Variants in EVC2 observed in about 807,000 individuals in gnomAD.
EVC2 encodes limbin.
In EVC2, 148 loss-of-function variants were observed where a neutral mutation model predicts 149.3. The observed-to-expected ratio is 0.99, with a 90% CI of 0.87 to 1.14. The LOEUF is 1.14. EVC2 is among the 50% of genes most tolerant of loss of function. The pLI is 0.00. For missense variants in EVC2, 1,854 were observed against 1,627.3 expected (o/e 1.14, Z -2.40); for synonymous variants, 776 against 649.9 (o/e 1.19, Z -2.95).
At chr4:5,619,869 T>C (rs1310363541) in intron 14 of EVC2, among the ~76,000 whole-genome samples, 1 of 152,178 alleles carries the variant, frequency 6.6e-6, no homozygotes, top group Non-Finnish European at 1.5e-5. Context: ...AGATTAGCTG[T>C]AGATGTGTTT....
At chr4:5,630,216 G>A (rs1358224927) in intron 11 of EVC2, among the ~76,000 whole-genome samples, 2 of 152,182 alleles carry the variant, frequency 1.3e-5, no homozygotes, top group Non-Finnish European at 2.9e-5. Flanking sequence ...GGCTTGTGAC[G>A]ATTACTCGGT....
intron 16 of EVC2, among the ~76,000 whole-genome samples, chr4:5,611,795 C>T (rs1020051559): frequency 6.6e-6 from 1 of 151,944 alleles, no homozygotes; most frequent in Non-Finnish European, 1.5e-5. Context: ...GTTACAGAAA[C>T]TTTAAATTAT....
At chr4:5,582,590 T>C (rs557780537) in intron 17 of EVC2, among the ~76,000 whole-genome samples, 131 of 152,306 alleles carry the variant, frequency 8.6e-4, no homozygotes, top group African/African-American at 2.8e-3. Context: ...AGATGAGACT[T>C]TGGACTTTGG....
rs766837833 is a variant in EVC2, at chr4:5,615,482, C to G, written c.2769G>C (p.Lys923Asn). The change falls in exon 16 of 22, where the codon AAG (lysine) becomes AAC (asparagine). Residue 923 changes from lysine to asparagine, a missense_variant. By Grantham distance (94) the Lys-to-Asn change is moderately conservative (BLOSUM62 0). Transcript: ENST00000344408. The part of the protein sequence containing the change: ...KSKSKGELLK[K>N]CIEDKIHLCE... ...AGAGGTGAATTTTGTCTTCGATGCA[C>G]TTCTTCAGAAGCTCTCCCTTGCTTT... 6.2e-7 allele frequency: 1 copy of G among 1,614,110 alleles called. No homozygotes were observed. Among genetic ancestry groups the G allele is most frequent in the African/African-American group, 1.3e-5 (1 of 74,930 alleles).
rs1031154931 is a variant in EVC2, at chr4:5,677,333, C to T, written c.870+3927G>A. Among the ~76,000 whole-genome samples, 1 of 152,194 alleles carries T rather than the reference C, an allele frequency of 6.6e-6. No individual in the cohort carries two copies. Among genetic ancestry groups the T allele is most frequent in the Non-Finnish European group, 1.5e-5 (1 of 68,036 alleles). ...CCAGGCCTTATGGTCCAAGAGTCAG[C>T]TGGGCCCACACAACACCATAGGGCC... On this transcript the variant is annotated intron_variant, in intron 7 of 21. Coordinates refer to ENST00000344408, the MANE Select transcript of EVC2 (RefSeq NM_147127.5). The surrounding 1 kb of genome is among the most constrained non-coding windows in gnomAD (Gnocchi z 4.3).
At position 5,620,073 on chromosome 4, in the gene EVC2, G is replaced by A. The variant is rs147756263; in HGVS notation, c.2502-1391C>T. ...AGAGAATGAGACCTTCAGAGACCACGGGGGCCCTCTGCTGACAACACTCTG... is the reference window on the plus strand; with the variant it reads ...AGAGAATGAGACCTTCAGAGACCACAGGGGCCCTCTGCTGACAACACTCTG... On this transcript the variant is annotated intron_variant, in intron 14 of 21. Transcript: ENST00000344408. Among the ~76,000 whole-genome samples the A allele has an allele frequency of 5.5e-3, 842 of 152,208 alleles. 6 individuals carry two copies. Among genetic ancestry groups the A allele is most frequent in the Non-Finnish European group, 9.3e-3 (633 of 68,020 alleles).
intron 9 of EVC2, among the ~76,000 whole-genome samples, chr4:5,646,167 G>C (rs1717695885): frequency 6.6e-6 from 1 of 152,204 alleles, no homozygotes; most frequent in African/African-American, 2.4e-5. Flanking sequence ...CTGACCTCAA[G>C]TGATCCACCT....
chr4:5,552,696 T>C (rs1466963883), intron 21 of EVC2, among the ~76,000 whole-genome samples: 6 of 152,088 alleles, frequency 3.9e-5, no homozygotes, highest in African/African-American at 1.5e-4. Flanking sequence ...ATTTTAAGGC[T>C]GCAGATCAAG....
At chr4:5,698,673 C>T (rs1403954161) in intron 1 of EVC2, among the ~76,000 whole-genome samples, 1 of 152,212 alleles carries the variant, frequency 6.6e-6, no homozygotes, top group African/African-American at 2.4e-5. Context: ...TACAAGTAGT[C>T]CCTATAGAAA....
intron 16 of EVC2, among the ~76,000 whole-genome samples, chr4:5,586,411 C>T (rs1051367429): frequency 1.3e-5 from 2 of 152,094 alleles, no homozygotes; most frequent in South Asian, 2.1e-4. Flanking sequence ...TCTAAGCCCC[C>T]CCTCAACCAT....
rs1479879266 is a variant in EVC2, at chr4:5,670,719, C to T, written c.871-5070G>A. Among the ~76,000 whole-genome samples, 1 of 152,082 alleles carries T rather than the reference C, an allele frequency of 6.6e-6. No homozygotes were observed. The highest frequency in any genetic ancestry group is 2.4e-5 in the African/African-American group (1 of 41,368). On this transcript the variant is annotated intron_variant, in intron 7 of 21. Coordinates refer to ENST00000344408, the MANE Select transcript of EVC2 (RefSeq NM_147127.5). The surrounding 1 kb of genome is among the most constrained non-coding windows in gnomAD (Gnocchi z 5.2). ...TTATCAACATCATCAATATCTCCAT[C>T]ACCATCATCTTCACCATCACCATCA...
rs553338207 is a variant in EVC2, at chr4:5,580,321, A to AT, written c.3058-3868dup. On this transcript the variant is annotated intron_variant, in intron 17 of 21. Transcript: ENST00000344408. ...GCATTGCCTTAACACTCATTTAAGA[A>AT]TACGGCATCATCTGATTTATCAGCT... Among the ~76,000 whole-genome samples the AT allele has an allele frequency of 5.4e-4, 82 of 152,368 alleles. 4 individuals are homozygous for AT. The East Asian group carries it at 9.8e-3, about 18-fold the overall frequency.
At chr4:5,539,344 A>G (rs926316758), downstream of EVC2, among the ~76,000 whole-genome samples, 1 of 150,362 alleles carries the variant, frequency 6.7e-6, no homozygotes, top group African/African-American at 2.4e-5. Context: ...ATATTTGTTA[A>G]GATGTAAATT....
At chr4:5,699,203 G>A (rs1175004960) in intron 1 of EVC2, among the ~76,000 whole-genome samples, 1 of 152,222 alleles carries the variant, frequency 6.6e-6, no homozygotes, top group Non-Finnish European at 1.5e-5. Context: ...AGAGGTGTGG[G>A]AAGAGGGAAA....
At position 5,562,918 on chromosome 4, in the gene EVC2, T is replaced by C; in HGVS notation, c.3857A>G (p.His1286Arg). 1 of 1,614,190 alleles carries C rather than the reference T, an allele frequency of 6.2e-7. No individual in the cohort carries two copies. The highest frequency in any genetic ancestry group is 1.7e-5 in the Admixed American group (1 of 60,034). Reference protein sequence around the residue: ...RNPKEPEISLHVPPRKKKNFL... With the variant: ...RNPKEPEISLRVPPRKKKNFL... Reference sequence around the variant, plus strand: ...GTTCTTCTTTTTCCTGGGAGGAACGTGCAGTGAGATCTCTGGCTCCTTTGG... The same window carrying C: ...GTTCTTCTTTTTCCTGGGAGGAACGCGCAGTGAGATCTCTGGCTCCTTTGG... The change falls in exon 22 of 22, where the codon CAC becomes CGC. Residue 1286 changes from histidine (H) to arginine (R), a missense_variant. Physicochemically the swap from His to Arg is conservative, Grantham distance 29 (BLOSUM62 0). Transcript: ENST00000344408. This position sits in a 1 kb window ranked among gnomAD's most constrained non-coding sequence, Gnocchi z 4.3.
At chr4:5,529,098 A>G in the EVC2 span, among the ~76,000 whole-genome samples, 1 of 152,132 alleles carries the variant, frequency 6.6e-6, no homozygotes, top group Non-Finnish European at 1.5e-5. The surrounding 1 kb of genome is among the most constrained non-coding windows in gnomAD (Gnocchi z 4.5). Flanking sequence ...AGATTTTGAG[A>G]GCCATCTGTA....
rs576460596 is a variant in EVC2 at position 5,686,041 on chromosome 4, T to C, written c.707-562A>G. On this transcript the variant is annotated intron_variant, in intron 5 of 21. Transcript: ENST00000344408. This position sits in a 1 kb window ranked among gnomAD's most constrained non-coding sequence, Gnocchi z 5.4. ...TCAATGTATGCAGACCTCAAAAATA[T>C]ATATAGATACATATATACACACATA... Among the ~76,000 whole-genome samples, 39 of 151,932 alleles carry C rather than the reference T, an allele frequency of 2.6e-4. No homozygotes were observed. The South Asian group carries it at 7.9e-3, about 31-fold the overall frequency.
At chr4:5,702,535 G>C (rs534418144) in intron 1 of EVC2, among the ~76,000 whole-genome samples, 1 of 152,324 alleles carries the variant, frequency 6.6e-6, no homozygotes, top group East Asian at 1.9e-4. Flanking sequence ...AGAATGGTCT[G>C]CATTGATGAA....
In EVC2 at chr4:5,574,773, C is replaced by A. The variant is rs1560131624; in HGVS notation, c.3273-1G>T. On this transcript the variant is annotated splice_acceptor_variant, in intron 18 of 21. Transcript: ENST00000344408. LOFTEE classifies it high-confidence loss of function. Reference sequence around the variant, plus strand: ...ACTGTTCTGTTGTTCCTCTCTCAAACTGGAGTGAAAATAAAATATACGTAA... The same window carrying A: ...ACTGTTCTGTTGTTCCTCTCTCAAAATGGAGTGAAAATAAAATATACGTAA... The A allele has an allele frequency of 6.2e-7, 1 of 1,613,972 alleles. No individual in the cohort carries two copies. The highest frequency in any genetic ancestry group is 1.7e-5 in the Admixed American group (1 of 60,002).
Sources: gnomAD v4.1 joint callset for allele counts (sites outside exome capture counted in the v4.1 genomes callset) on GRCh38, gnomAD v4.1.1 for gene constraint, Gnocchi (gnomAD v3.1) non-coding constraint, MANE v1.5 for transcripts, NCBI Gene and HGNC (gene_info 2026-07-23, HGNC 2026-07-21) for gene names.